The following PCDH17 variants were observed in gnomAD, a reference collection of about 807,000 sequenced individuals.
PCDH17 encodes protocadherin 17.
Under a neutral mutation model 67.7 loss-of-function variants are expected in PCDH17, and 21 were observed. The observed-to-expected ratio is 0.31, with a 90% CI of 0.22 to 0.45. The LOEUF is 0.45. PCDH17 is among the 20% of genes least tolerant of loss of function. The pLI, the probability that PCDH17 is intolerant of heterozygous loss-of-function variation, is 1.00. For synonymous variants in PCDH17, 701 were observed against 656.7 expected (o/e 1.07, Z -1.03); for missense variants, 1,471 against 1,564.8 (o/e 0.94, Z 1.01).
In PCDH17 at chr13:57,681,653, T is replaced by G. The variant is rs963743260; in HGVS notation, c.2797+14820T>G. 7.9e-5 allele frequency among the ~76,000 whole-genome samples: 12 copies of G among 151,838 alleles called. No homozygotes were observed. The East Asian group carries it at 2.3e-3, about 30-fold the overall frequency. ...TAACACCATTTAAAAATAATTTAAT[T>G]TCTATATACTCCTAAAACCACCCTT... is the stretch of plus-strand genomic sequence containing the variant. On this transcript the variant is annotated intron_variant, in intron 3 of 3. Transcript: ENST00000377918.
At chr13:57,702,660 G>A (rs996599624) in intron 3 of PCDH17, among the ~76,000 whole-genome samples, 5 of 152,110 alleles carry the variant, frequency 3.3e-5, no homozygotes, top group Non-Finnish European at 7.4e-5. Flanking sequence ...AAGGATAGTA[G>A]ATATACTCTC....
intron 1 of PCDH17, among the ~76,000 whole-genome samples, chr13:57,649,652 T>C: frequency 6.6e-6 from 1 of 152,204 alleles, no homozygotes; most frequent in East Asian, 1.9e-4. Context: ...AATGTAATAA[T>C]ATGTCATGAT....
intron 3 of PCDH17, among the ~76,000 whole-genome samples, chr13:57,676,369 G>T (rs917304532): frequency 6.6e-6 from 1 of 151,856 alleles, no homozygotes; most frequent in Non-Finnish European, 1.5e-5. Context: ...TACTAAGGTG[G>T]TGAAGACAGG....
chr13:57,631,795 A>C lies in PCDH17; in HGVS notation c.-752A>C, dbSNP rs1024449777. On this transcript the variant is annotated 5_prime_UTR_variant, in exon 1 of 4. Transcript: ENST00000377918. Reference sequence around the variant, plus strand: ...TCGGAAAGGAGAGAGAGGAAAAAAAAAATACGCTTGGCTGGTAGATGCAGT... The same window carrying C: ...TCGGAAAGGAGAGAGAGGAAAAAAACAATACGCTTGGCTGGTAGATGCAGT... 2.0e-5 allele frequency: 3 copies of C among 152,360 alleles called. No individual in the cohort carries two copies. The highest frequency in any genetic ancestry group is 4.4e-5 in the Non-Finnish European group (3 of 68,232). 9.4% of individuals were successfully genotyped at this position (152,360 alleles called of 1,614,324 possible).
At chr13:57,653,512 T>C (rs1271566151) in intron 1 of PCDH17, among the ~76,000 whole-genome samples, 1 of 152,160 alleles carries the variant, frequency 6.6e-6, no homozygotes, top group Non-Finnish European at 1.5e-5. Flanking sequence ...CTTACTCATA[T>C]TGAAACCTCC....
At chr13:57,676,366 G>A (rs1283352353) in intron 3 of PCDH17, among the ~76,000 whole-genome samples, 2 of 151,872 alleles carry the variant, frequency 1.3e-5, no homozygotes, top group Non-Finnish European at 2.9e-5. Flanking sequence ...GTTTACTAAG[G>A]TGGTGAAGAC....
chr13:57,676,996 T>C (rs1423346929), intron 3 of PCDH17, among the ~76,000 whole-genome samples: 2 of 151,920 alleles, frequency 1.3e-5, no homozygotes, highest in African/African-American at 4.8e-5. Flanking sequence ...AAAAATATGT[T>C]TTGAATTTTT....
In PCDH17 at chr13:57,726,216, T is replaced by C. The variant is rs1955915424; in HGVS notation, c.*922T>C. The C allele has an allele frequency of 6.6e-6, 1 of 152,622 alleles. No individual in the cohort carries two copies. Among genetic ancestry groups the C allele is most frequent in the Admixed American group, 6.6e-5 (1 of 15,266 alleles). The allele number at this position is 152,622 out of a possible 1,614,324, so 9.5% of individuals were successfully genotyped here. ...ATTCATTTGTGGACACTAAAATAGC[T>C]CAGGAAAGTGAAAATGTCTTAGACA... On this transcript the variant is annotated 3_prime_UTR_variant, in exon 4 of 4. Coordinates refer to ENST00000377918, the MANE Select transcript of PCDH17 (RefSeq NM_001040429.3).
intron 1 of PCDH17, among the ~76,000 whole-genome samples, chr13:57,637,117 C>T (rs974905258): frequency 6.6e-5 from 10 of 152,148 alleles, no homozygotes; most frequent in Admixed American, 3.3e-4. Flanking sequence ...TACACACGTG[C>T]GCACACACAC....
intron 1 of PCDH17, among the ~76,000 whole-genome samples, chr13:57,657,485 TA>T (rs1955120889): frequency 6.6e-6 from 1 of 152,186 alleles, no homozygotes; most frequent in African/African-American, 2.4e-5. Flanking sequence ...AGTGGTGGCT[TA>T]AAATGCCGTT....
At chr13:57,638,724 A>C (rs1328444020) in intron 1 of PCDH17, among the ~76,000 whole-genome samples, 1 of 152,018 alleles carries the variant, frequency 6.6e-6, no homozygotes, top group African/African-American at 2.4e-5. Flanking sequence ...AAATATATAA[A>C]AATGATATTG....
chr13:57,667,811 C>T lies in PCDH17; in HGVS notation c.2797+978C>T, dbSNP rs574494162. Reference sequence around the variant, plus strand: ...CAGATACAGTGTTAAGTTTTCTAGTCGTTAAAATGTTTAATGCAAATATTA... The same window carrying T: ...CAGATACAGTGTTAAGTTTTCTAGTTGTTAAAATGTTTAATGCAAATATTA... On this transcript the variant is annotated intron_variant, in intron 3 of 3. Transcript: ENST00000377918. Among the ~76,000 whole-genome samples, 17 of 149,182 alleles carry T rather than the reference C, an allele frequency of 1.1e-4. 1 individual carries two copies. In the East Asian group the frequency reaches 2.2e-3, roughly 19 times the overall value.
chr13:57,722,030 A>G (rs1383325423), intron 3 of PCDH17, among the ~76,000 whole-genome samples: 4 of 152,174 alleles, frequency 2.6e-5, no homozygotes. Context: ...TGCTGCCATC[A>G]AAATTATAGT....
chr13:57,667,657 A>C (rs572227544), intron 3 of PCDH17, among the ~76,000 whole-genome samples: 1 of 151,676 alleles, frequency 6.6e-6, no homozygotes, highest in South Asian at 2.1e-4. Context: ...TTATTATTTC[A>C]GTTGTTTTGA....
In PCDH17 at chr13:57,635,030, G is replaced by A. The variant is rs151164711; in HGVS notation, c.2484G>A (p.Gly828=). The part of the protein sequence containing the change: ...PASNNLTVPQ[G]HAGCHTSFTG... ...CCAACAACCTGACTGTCCCTCAGGG[G>A]CACGCGGGCTGCCACACCAGCTTCA... Residue 828 remains glycine, a synonymous_variant, in exon 1 of 4, where the codon GGG becomes GGA. Transcript: ENST00000377918. The A allele has an allele frequency of 3.7e-6, 6 of 1,613,190 alleles. No homozygotes were observed. The highest frequency in any genetic ancestry group is 5.1e-6 in the Non-Finnish European group (6 of 1,180,024).
At chr13:57,719,317 T>TC (rs1296565376) in intron 3 of PCDH17, among the ~76,000 whole-genome samples, 1 of 152,024 alleles carries the variant, frequency 6.6e-6, no homozygotes, top group Non-Finnish European at 1.5e-5. Context: ...TGGTTGACAA[T>TC]CATAAAGCAC....
chr13:57,638,368 G>A (rs1270042681), intron 1 of PCDH17, among the ~76,000 whole-genome samples: 2 of 151,996 alleles, frequency 1.3e-5, no homozygotes, highest in Admixed American at 6.6e-5. Flanking sequence ...TTTCAATGAA[G>A]GCCTTGTAGG....
chr13:57,670,465 A>C (rs1955306857), intron 3 of PCDH17, among the ~76,000 whole-genome samples: 1 of 151,474 alleles, frequency 6.6e-6, no homozygotes, highest in Non-Finnish European at 1.5e-5. Flanking sequence ...TGTGTTTCTC[A>C]GTCTTTTTCT....
chr13:57,661,115 T>C (rs1955177896), intron 1 of PCDH17, among the ~76,000 whole-genome samples: 1 of 152,212 alleles, frequency 6.6e-6, no homozygotes. Flanking sequence ...TTTTGCATTT[T>C]CACCTAAATT....
Sources: allele counts gnomAD v4.1 joint callset (sites outside exome capture counted in the v4.1 genomes callset), GRCh38; gene constraint gnomAD v4.1.1; transcripts MANE v1.5; gene names NCBI Gene and HGNC (gene_info 2026-07-23, HGNC 2026-07-21).